The following ELAVL3 variants were observed in gnomAD, a reference collection of about 807,000 sequenced individuals.
The protein encoded by ELAVL3 is ELAV like RNA binding protein 3.
In ELAVL3, 8 loss-of-function variants were observed where a neutral mutation model predicts 34.2. That is an observed-to-expected ratio of 0.23 (90% confidence interval 0.14 to 0.42). The LOEUF is 0.42. Ranked by LOEUF, ELAVL3 falls within the 10% of genes least tolerant of loss-of-function variation. The pLI is 1.00. For missense variants in ELAVL3, 273 were observed against 518.8 expected, an observed-to-expected ratio of 0.53 and a Z score of 4.60; for synonymous variants, 209 against 222.1, an observed-to-expected ratio of 0.94 and a Z score of 0.53.
intron 3 of ELAVL3, among the ~76,000 whole-genome samples, 182 bp downstream of exon 3, chr19:11,465,990 G>A (rs1316966846): frequency 6.6e-6 from 1 of 152,124 alleles, no homozygotes; most frequent in Non-Finnish European, 1.5e-5. Flanking sequence ...GAGGTTTAGA[G>A]AGGGAAAGCC....
intron 1 of ELAVL3, among the ~76,000 whole-genome samples, chr19:11,470,310 G>C (rs576002534): frequency 2.0e-5 from 3 of 152,012 alleles, no homozygotes; most frequent in Non-Finnish European, 4.4e-5. Context: ...AGCTGAGCTC[G>C]TGCCATTGCA....
chr19:11,480,473 T>TA lies in ELAVL3; in HGVS notation c.9+126dup. 8.6e-7 allele frequency: 1 copy of TA among 1,159,554 alleles called. No homozygotes were observed. Among genetic ancestry groups the TA allele is most frequent in the Non-Finnish European group, 1.1e-6 (1 of 879,320 alleles). The allele number at this position is 1,159,554 out of a possible 1,614,324, so 71.8% of individuals were successfully genotyped here. ...ACTCTCAGGCCCCGAGGCTTGGTCC[T>TA]ACCCCCCCAACCCGGGCCTAGCTAG... On this transcript the variant is annotated intron_variant, in intron 1 of 6. Coordinates refer to ENST00000359227, the MANE Select transcript of ELAVL3 (RefSeq NM_001420.4). This position sits in a 1 kb window ranked among gnomAD's most constrained non-coding sequence, Gnocchi z 6.8.
At chr19:11,463,926 G>T (rs371630927) in intron 3 of ELAVL3, among the ~76,000 whole-genome samples, 2 of 150,856 alleles carry the variant, frequency 1.3e-5, no homozygotes, top group Non-Finnish European at 1.5e-5. Context: ...CCGAGATCGC[G>T]CCATTGCAAT....
intron 1 of ELAVL3, among the ~76,000 whole-genome samples, chr19:11,472,591 C>T (rs1312214691): frequency 6.6e-6 from 1 of 151,400 alleles, no homozygotes; most frequent in Non-Finnish European, 1.5e-5. Context: ...GTCCCAGGTA[C>T]TCAGGATGGT....
chr19:11,476,277 A>G (rs1026845193), intron 1 of ELAVL3, among the ~76,000 whole-genome samples: 1 of 152,174 alleles, frequency 6.6e-6, no homozygotes, highest in African/African-American at 2.4e-5. Flanking sequence ...GAGAGTCTCA[A>G]TGAAGGGACA....
chr19:11,458,443 C>G lies in ELAVL3; in HGVS notation c.487+15G>C, dbSNP rs560928125. 3.1e-6 allele frequency: 5 copies of G among 1,613,996 alleles called. No homozygotes were observed. Among genetic ancestry groups the G allele is most frequent in the Non-Finnish European group, 2.5e-6 (3 of 1,180,016 alleles). ...CCAGCGCCCCCGCCAGGTGCACCCTCCCTGACTGCCTGACCTGTGACCTGG... is the reference window on the plus strand; with the variant it reads ...CCAGCGCCCCCGCCAGGTGCACCCTGCCTGACTGCCTGACCTGTGACCTGG... On this transcript the variant is annotated intron_variant, in intron 4 of 6. Transcript: ENST00000359227. This position sits in a 1 kb window ranked among gnomAD's most constrained non-coding sequence, Gnocchi z 7.3.
chr19:11,455,894 G>A (rs768185363), intron 6 of ELAVL3, among the ~76,000 whole-genome samples: 2 of 152,106 alleles, frequency 1.3e-5, no homozygotes, highest in African/African-American at 4.8e-5. Context: ...TGGCAATCCC[G>A]CCCTTGGATT....
At chr19:11,479,741 G>A (rs1445531786) in intron 1 of ELAVL3, among the ~76,000 whole-genome samples, 2 of 151,650 alleles carry the variant, frequency 1.3e-5, no homozygotes, top group African/African-American at 2.4e-5. Flanking sequence ...GACCAGCTCC[G>A]TGGCTGCTGA....
chr19:11,462,044 G>A (rs1330483037), intron 3 of ELAVL3, among the ~76,000 whole-genome samples: 3 of 151,798 alleles, frequency 2.0e-5, no homozygotes, highest in Non-Finnish European at 4.4e-5. Context: ...GCGTGGTGGC[G>A]GGTGCCTGTA....
At chr19:11,463,925 C>T (rs1010911779) in intron 3 of ELAVL3, among the ~76,000 whole-genome samples, 2 of 151,016 alleles carry the variant, frequency 1.3e-5, no homozygotes, top group African/African-American at 4.9e-5. Flanking sequence ...GCCGAGATCG[C>T]GCCATTGCAA....
In ELAVL3 at chr19:11,480,693, GGGGTCCCGCCCGGGCGGCC is replaced by G. The variant is rs1315034561; in HGVS notation, c.-104_-86del. The G allele has an allele frequency of 3.9e-6, 5 of 1,291,848 alleles. No individual in the cohort carries two copies. The highest frequency in any genetic ancestry group is 1.5e-5 in the African/African-American group (1 of 65,626). 80.0% of individuals were successfully genotyped at this position (1,291,848 alleles called of 1,614,324 possible). A position where few individuals can be genotyped will look rare whatever the true frequency, so the allele number is the denominator to read the frequency against. On this transcript the variant is annotated 5_prime_UTR_variant, in exon 1 of 7. Coordinates refer to ENST00000359227, the MANE Select transcript of ELAVL3 (RefSeq NM_001420.4). This position sits in a 1 kb window ranked among gnomAD's most constrained non-coding sequence, Gnocchi z 6.8. Reference sequence around the variant, plus strand: ...TAGGGGGGCGCCCGATGCTCACGCTGGGGTCCCGCCCGGGCGGCCTCTGGTGCGGCCGCTGCAGATGTGG... The same window carrying G: ...TAGGGGGGCGCCCGATGCTCACGCTGTCTGGTGCGGCCGCTGCAGATGTGG...
intron 1 of ELAVL3, among the ~76,000 whole-genome samples, chr19:11,468,942 C>G (rs1219846690): frequency 6.6e-6 from 1 of 151,870 alleles, no homozygotes; most frequent in East Asian, 1.9e-4. Flanking sequence ...ATTTTTGAGA[C>G]AAGGTCTCGC....
rs1201222174 is a variant in ELAVL3, at chr19:11,480,556, TC to T, written c.9+43del. On this transcript the variant is annotated intron_variant, in intron 1 of 6. Transcript: ENST00000359227. This position sits in a 1 kb window ranked among gnomAD's most constrained non-coding sequence, Gnocchi z 6.8. ...AATCTCCGCGGAGCCTGGGCCCAAC[TC>T]CTCCCCGTCCCGATTCCCTTTCGGC... The T allele has an allele frequency of 2.1e-6, 3 of 1,400,492 alleles. No homozygotes were observed. The highest frequency in any genetic ancestry group is 4.8e-5 in the Admixed American group (2 of 42,036). 86.8% of individuals were successfully genotyped at this position (1,400,492 alleles called of 1,614,324 possible).
At position 11,476,979 on chromosome 19, in the gene ELAVL3, C is replaced by T. The variant is rs145887474; in HGVS notation, c.9+3621G>A. The stretch of plus-strand genomic sequence containing the variant: ...TGGACTTTAGAGCCCACTCCCCTAA[C>T]GAAAAGACCAGTAATATAATAACAA... On this transcript the variant is annotated intron_variant, in intron 1 of 6. Transcript: ENST00000359227. 9.8e-4 allele frequency among the ~76,000 whole-genome samples: 149 copies of T among 152,034 alleles called. 3 individuals carry two copies. The East Asian group carries it at 0.025, about 25-fold the overall frequency.
rs764270673 is a variant in ELAVL3, at chr19:11,466,816, C to A, written c.21G>T (p.Gly7=). The change falls in exon 2 of 7, where the codon GGG becomes GGT. Residue 7 remains glycine, a synonymous_variant. Transcript: ENST00000359227. This position sits in a 1 kb window ranked among gnomAD's most constrained non-coding sequence, Gnocchi z 5.0. The part of the protein sequence containing the change: MVTQIL[G]AMESQVGGGP... ...CCCCCCCCACCTGAGACTCCATGGCCCCCAGTATCTGCTGGAGATAACAGG... is the reference window on the plus strand; with the variant it reads ...CCCCCCCCACCTGAGACTCCATGGCACCCAGTATCTGCTGGAGATAACAGG... The A allele has an allele frequency of 3.7e-6, 6 of 1,606,498 alleles. No individual in the cohort carries two copies. In the South Asian group the frequency reaches 6.6e-5, roughly 18 times the overall value.
chr19:11,478,860 C>T (rs1171347636), intron 1 of ELAVL3, among the ~76,000 whole-genome samples: 1 of 152,164 alleles, frequency 6.6e-6, no homozygotes, highest in African/African-American at 2.4e-5. Flanking sequence ...TGCCTGGATA[C>T]CGGCGACAAT....
chr19:11,476,548 G>A (rs557091778), intron 1 of ELAVL3, among the ~76,000 whole-genome samples: 160 of 141,668 alleles, frequency 1.1e-3, no homozygotes, highest in South Asian at 1.7e-3. Context: ...TGACTCTTAA[G>A]GGAAAAAAAA....
chr19:11,458,277 C>T lies in ELAVL3; in HGVS notation c.497G>A (p.Arg166Gln). The change falls in exon 5 of 7, where the codon CGG (arginine) becomes CAG (glutamine). Residue 166 changes from arginine (R) to glutamine (Q), a missense_variant. Physicochemically the swap from Arg to Gln is conservative, Grantham distance 43 (BLOSUM62 1). Around this residue, in one of 4 missense-constraint regions of ELAVL3, gnomAD observed 102 missense variants for 250.1 expected, o/e 0.41. Coordinates refer to ENST00000359227, the MANE Select transcript of ELAVL3 (RefSeq NM_001420.4). This position sits in a 1 kb window ranked among gnomAD's most constrained non-coding sequence, Gnocchi z 7.3. Reference sequence around the variant, plus strand: ...GTCAAAGCGGATGAATCCCACACCCCGAGAGACACCTGCCAGGGGGCAGGG... The same window carrying T: ...GTCAAAGCGGATGAATCCCACACCCTGAGAGACACCTGCCAGGGGGCAGGG... Reference protein sequence around the residue: ...ILVDQVTGVSRGVGFIRFDKR... With the variant: ...ILVDQVTGVSQGVGFIRFDKR... The T allele has an allele frequency of 1.2e-6, 2 of 1,613,740 alleles. No homozygotes were observed. The highest frequency in any genetic ancestry group is 1.7e-6 in the Non-Finnish European group (2 of 1,179,996).
At chr19:11,476,522 C>T (rs1001281506) in intron 1 of ELAVL3, among the ~76,000 whole-genome samples, 3 of 149,040 alleles carry the variant, frequency 2.0e-5, no homozygotes, top group African/African-American at 5.0e-5. Flanking sequence ...CCAGCCTAGG[C>T]GAGAGGGTGA....
Sources: allele counts gnomAD v4.1 joint callset (sites outside exome capture counted in the v4.1 genomes callset), GRCh38; gene constraint gnomAD v4.1.1; regional missense constraint gnomAD v4.1.1; non-coding constraint Gnocchi (gnomAD v3.1); transcripts MANE v1.5; gene names NCBI Gene and HGNC (gene_info 2026-07-23, HGNC 2026-07-21).